The following SLC44A5 variants were observed in gnomAD, a reference collection of about 807,000 sequenced individuals.
SLC44A5 encodes the protein choline transporter-like protein 5.
Under a neutral mutation model 101.8 loss-of-function variants are expected in SLC44A5, and 57 were observed. The ratio of observed to expected loss-of-function variants is 0.56; its 90% confidence interval spans 0.45 to 0.70. The LOEUF is 0.70. Among genes scored for constraint, SLC44A5 ranks in the 30% least tolerant of loss-of-function variants. The probability of loss-of-function intolerance (pLI) is 0.00; values close to 1 mark genes in which losing one functional copy is unlikely to be tolerated. For synonymous variants in SLC44A5, 281 were observed against 290.9 expected (o/e 0.97, Z 0.35); for missense variants, 737 against 853.1 (o/e 0.86, Z 1.70).
At chr1:75,369,940 T>C (rs1660119128) in intron 3 of SLC44A5, among the ~76,000 whole-genome samples, 1 of 152,252 alleles carries the variant, frequency 6.6e-6, no homozygotes, top group African/African-American at 2.4e-5. Flanking sequence ...GCACCAATCA[T>C]GGATTACCAT....
chr1:75,679,668 G>A, the SLC44A5 span, among the ~76,000 whole-genome samples: 10 of 152,102 alleles, frequency 6.6e-5, no homozygotes, highest in South Asian at 1.9e-3. Context: ...ATGCCAAAAT[G>A]TAAAGACCAT....
chr1:75,589,440 T>C (rs1160950358), intron 1 of SLC44A5, among the ~76,000 whole-genome samples: 1 of 152,220 alleles, frequency 6.6e-6, no homozygotes, highest in Non-Finnish European at 1.5e-5. Flanking sequence ...CAATCAGAAA[T>C]TTGTTTGATA....
At chr1:75,358,174 T>C (rs1659221743) in intron 3 of SLC44A5, among the ~76,000 whole-genome samples, 1 of 152,164 alleles carries the variant, frequency 6.6e-6, no homozygotes, top group Non-Finnish European at 1.5e-5. Flanking sequence ...AACAGAAAAT[T>C]GGTAAGTTTG....
intron 2 of SLC44A5, among the ~76,000 whole-genome samples, chr1:75,488,532 T>C (rs1353155518): frequency 1.3e-5 from 2 of 152,236 alleles, no homozygotes; most frequent in Admixed American, 1.3e-4. Context: ...AACAAAGTAC[T>C]GAGTTAATTT....
At chr1:75,607,357 G>T (rs1337092547) in intron 1 of SLC44A5, among the ~76,000 whole-genome samples, 1 of 151,880 alleles carries the variant, frequency 6.6e-6, no homozygotes, top group African/African-American at 2.4e-5. Flanking sequence ...CATTTCTCAT[G>T]TTCACCACTG....
intron 1 of SLC44A5, among the ~76,000 whole-genome samples, chr1:75,551,821 G>A (rs943217230): frequency 2.6e-5 from 4 of 152,178 alleles, no homozygotes; most frequent in African/African-American, 7.2e-5. Flanking sequence ...CCTGGCACAT[G>A]TTAGACTCTC....
rs201964182 is a variant in SLC44A5, at chr1:75,272,901, TG to T, written c.260+2056del. 9.3e-3 allele frequency among the ~76,000 whole-genome samples: 1,416 copies of T among 152,226 alleles called. 7 individuals are homozygous for T. Among genetic ancestry groups the T allele is most frequent in the Non-Finnish European group, 0.013 (895 of 68,006 alleles). On this transcript the variant is annotated intron_variant, in intron 6 of 23. Transcript: ENST00000370859. ...TTTTATTCCGTATGAATTTTAGGAT[TG>T]TTTTTTTCTAGTTCTGTGAGGAATC...
intron 4 of SLC44A5, among the ~76,000 whole-genome samples, chr1:75,302,050 A>G (rs1348778717): frequency 7.1e-6 from 1 of 141,636 alleles, no homozygotes; most frequent in Non-Finnish European, 1.5e-5. Context: ...TTTTAATTTC[A>G]TTTGAATTTA....
rs1011832567 is a variant in SLC44A5, at chr1:75,605,396, T to C, written c.-70+5644A>G. On this transcript the variant is annotated intron_variant, in intron 1 of 23. Coordinates refer to ENST00000370859, the MANE Select transcript of SLC44A5 (RefSeq NM_001130058.2). ...AAAATAAAAATAAATAAATAAACAA[T>C]GCAGCTCTCATCCAAAATCCTAATG... Among the ~76,000 whole-genome samples, 3 of 151,976 alleles carry C rather than the reference T, an allele frequency of 2.0e-5. No homozygotes were observed. In the South Asian group the frequency reaches 6.2e-4, roughly 32 times the overall value.
intron 3 of SLC44A5, among the ~76,000 whole-genome samples, chr1:75,375,979 T>A (rs4554668): frequency 2.6e-5 from 4 of 151,718 alleles, no homozygotes; most frequent in African/African-American, 4.8e-5. Context: ...AGTGGGTGTG[T>A]GCACCGTGTG....
the SLC44A5 span, among the ~76,000 whole-genome samples, chr1:75,685,123 G>A: frequency 1.2e-3 from 182 of 152,306 alleles, no homozygotes; most frequent in African/African-American, 4.1e-3. Context: ...GGCCTAAGCT[G>A]TACCTTGGCC....
intron 12 of SLC44A5, among the ~76,000 whole-genome samples, chr1:75,233,476 A>T (rs1647784982): frequency 6.6e-6 from 1 of 152,038 alleles, no homozygotes; most frequent in South Asian, 2.1e-4. Context: ...CAGTACTGTA[A>T]TTCTCCATAC....
intron 6 of SLC44A5, among the ~76,000 whole-genome samples, chr1:75,265,323 T>C (rs1650896348): frequency 6.6e-6 from 1 of 152,050 alleles, no homozygotes; most frequent in Non-Finnish European, 1.5e-5. Flanking sequence ...AAAAACACTA[T>C]GGGGCAATAT....
chr1:75,602,718 G>A (rs1201124824), intron 1 of SLC44A5, among the ~76,000 whole-genome samples: 1 of 151,944 alleles, frequency 6.6e-6, no homozygotes, highest in African/African-American at 2.4e-5. Flanking sequence ...AGAAAAATGT[G>A]TTTTTCACTT....
At chr1:75,233,353 G>A (rs944295323) in intron 12 of SLC44A5, among the ~76,000 whole-genome samples, 7 of 151,930 alleles carry the variant, frequency 4.6e-5, no homozygotes, top group African/African-American at 1.5e-4. Context: ...CCTTCCAGTC[G>A]TCAACCCTTC....
At chr1:75,570,158 C>A (rs538880076) in intron 1 of SLC44A5, among the ~76,000 whole-genome samples, 1 of 152,284 alleles carries the variant, frequency 6.6e-6, no homozygotes, top group South Asian at 2.1e-4. Context: ...AGCTCTACAT[C>A]CAGACAGGAC....
the SLC44A5 span, among the ~76,000 whole-genome samples, chr1:75,723,480 G>T: frequency 6.6e-6 from 1 of 152,102 alleles, no homozygotes; most frequent in African/African-American, 2.4e-5. Context: ...TAAGATGAGG[G>T]CTCCATCTTC....
At chr1:75,416,652 G>A (rs1213302627) in intron 2 of SLC44A5, among the ~76,000 whole-genome samples, 1 of 152,216 alleles carries the variant, frequency 6.6e-6, no homozygotes, top group Non-Finnish European at 1.5e-5. Context: ...GCCCATGAAA[G>A]CAGCCGGGAA....
intron 2 of SLC44A5, among the ~76,000 whole-genome samples, chr1:75,422,164 G>A (rs889659721): frequency 6.6e-6 from 1 of 152,118 alleles, no homozygotes; most frequent in African/African-American, 2.4e-5. Context: ...CTTTGAAAAA[G>A]GCACACATGG....
Sources: gnomAD v4.1 joint callset for allele counts (sites outside exome capture counted in the v4.1 genomes callset) on GRCh38, gnomAD v4.1.1 for gene constraint, MANE v1.5 for transcripts, NCBI Gene and HGNC (gene_info 2026-07-23, HGNC 2026-07-21) for gene names.